Variants in LRRC4C observed in about 807,000 individuals in gnomAD.
LRRC4C encodes the protein leucine rich repeat containing 4C.
LRRC4C carries 5 observed loss-of-function variants against 33.6 expected under a neutral mutation model. That is an observed-to-expected ratio of 0.15 (90% CI 0.08 to 0.31). The LOEUF (loss-of-function observed/expected upper bound fraction) is 0.31, where lower values mean the gene tolerates loss of function less well. Among genes scored for constraint, LRRC4C ranks in the 10% least tolerant of loss-of-function variants. The pLI is 1.00. For synonymous variants in LRRC4C, 329 were observed against 302.0 expected, an observed-to-expected ratio of 1.09 and a Z score of -0.93; for missense variants, 560 against 796.7, an observed-to-expected ratio of 0.70 and a Z score of 3.58.
chr11:41,052,317 T>C (rs1462217448), intron 1 of LRRC4C, among the ~76,000 whole-genome samples: 1 of 152,102 alleles, frequency 6.6e-6, no homozygotes. Flanking sequence ...AAATTCTGAT[T>C]GCATTCAAGT....
At chr11:40,695,877 C>A (rs1201352607) in intron 2 of LRRC4C, among the ~76,000 whole-genome samples, 2 of 151,946 alleles carry the variant, frequency 1.3e-5, no homozygotes, top group African/African-American at 4.8e-5. Flanking sequence ...TTAATTTAAT[C>A]ACATCTTCAT....
intron 1 of LRRC4C, among the ~76,000 whole-genome samples, chr11:41,330,585 C>G (rs1428587355): frequency 1.3e-5 from 2 of 151,942 alleles, no homozygotes; most frequent in African/African-American, 4.8e-5. Flanking sequence ...TTTCTTCTTC[C>G]TTTGAGACAG....
In LRRC4C at chr11:41,077,079, G is replaced by A. The variant is rs770476164; in HGVS notation, c.-495-143356C>T. Among the ~76,000 whole-genome samples the A allele has an allele frequency of 3.3e-5, 5 of 152,216 alleles. 1 individual carries two copies. The highest frequency in any genetic ancestry group is 4.1e-4 in the South Asian group (2 of 4,832). On this transcript the variant is annotated intron_variant, in intron 1 of 6. Transcript: ENST00000528697. ...TGTTATGCAAGGGGTGGGCTCACAT[G>A]CCCTTGTGCAGCTCTGCCCCTGTCA...
chr11:40,515,791 A>C (rs1955536570), intron 3 of LRRC4C, among the ~76,000 whole-genome samples: 1 of 152,112 alleles, frequency 6.6e-6, no homozygotes, highest in Non-Finnish European at 1.5e-5. Context: ...GTTTGAGGTG[A>C]ACCAGTTAGT....
intron 1 of LRRC4C, among the ~76,000 whole-genome samples, chr11:41,216,189 T>C (rs1368601136): frequency 6.6e-6 from 1 of 152,134 alleles, no homozygotes; most frequent in African/African-American, 2.4e-5. Context: ...ACAGGCTCAT[T>C]TACCCATCAC....
intron 2 of LRRC4C, among the ~76,000 whole-genome samples, chr11:40,776,966 C>G (rs1436121815): frequency 6.6e-6 from 1 of 152,014 alleles, no homozygotes; most frequent in African/African-American, 2.4e-5. Flanking sequence ...TGATATCTGC[C>G]TTAATTGAAT....
chr11:41,070,035 A>C (rs2135417268), intron 1 of LRRC4C, among the ~76,000 whole-genome samples: 1 of 152,336 alleles, frequency 6.6e-6, no homozygotes, highest in African/African-American at 2.4e-5. Context: ...AGGCTATAGT[A>C]ACCAAAACAG....
intron 1 of LRRC4C, among the ~76,000 whole-genome samples, chr11:41,231,691 C>T (rs1947804448): frequency 6.6e-6 from 1 of 151,740 alleles, no homozygotes; most frequent in South Asian, 2.1e-4. Context: ...GTGCAGCACA[C>T]CAACATGGCA....
At chr11:40,705,158 T>G (rs917619156) in intron 2 of LRRC4C, among the ~76,000 whole-genome samples, 5 of 152,146 alleles carry the variant, frequency 3.3e-5, no homozygotes, top group Non-Finnish European at 7.3e-5. Flanking sequence ...GGTCTCAAAT[T>G]AACTATTCAG....
chr11:40,734,966 G>T (rs998463597), intron 2 of LRRC4C, among the ~76,000 whole-genome samples: 2 of 151,960 alleles, frequency 1.3e-5, no homozygotes, highest in African/African-American at 2.4e-5. Context: ...ACAAAAAAAA[G>T]GAGAGAAAAA....
chr11:40,256,592 A>C (rs555236632), intron 4 of LRRC4C, among the ~76,000 whole-genome samples: 6 of 152,318 alleles, frequency 3.9e-5, no homozygotes, highest in African/African-American at 1.4e-4. Flanking sequence ...ATAAATGAAC[A>C]AATAAAGAAA....
At chr11:40,336,116 A>G (rs1406042843) in intron 3 of LRRC4C, among the ~76,000 whole-genome samples, 4 of 152,232 alleles carry the variant, frequency 2.6e-5, no homozygotes, top group African/African-American at 9.6e-5. Flanking sequence ...ACACTGTCCT[A>G]GATGATGGCG....
rs1242706467 is a variant in LRRC4C at position 40,336,832 on chromosome 11, T to C, written c.-269-17111A>G. Among the ~76,000 whole-genome samples the C allele has an allele frequency of 3.3e-5, 5 of 151,060 alleles. No individual in the cohort carries two copies. In the East Asian group the frequency reaches 5.9e-4, roughly 18 times the overall value. Reference sequence around the variant, plus strand: ...TCTACTGAAAATACAAAAAAATTAGTCGGGAGTGGCGGGGGGCGCCTGTAG... The same window carrying C: ...TCTACTGAAAATACAAAAAAATTAGCCGGGAGTGGCGGGGGGCGCCTGTAG... On this transcript the variant is annotated intron_variant, in intron 3 of 6. Transcript: ENST00000528697.
At chr11:40,218,853 G>A (rs568730673) in intron 5 of LRRC4C, among the ~76,000 whole-genome samples, 1 of 151,668 alleles carries the variant, frequency 6.6e-6, no homozygotes, top group South Asian at 2.1e-4. Flanking sequence ...CACTCACTCT[G>A]TTGCATCCAC....
chr11:40,290,388 G>C (rs1344008975), intron 4 of LRRC4C, among the ~76,000 whole-genome samples: 5 of 152,208 alleles, frequency 3.3e-5, no homozygotes, highest in African/African-American at 1.2e-4. Context: ...TATTTTCATA[G>C]GTTGGTAAAT....
At position 40,973,064 on chromosome 11, in the gene LRRC4C, T is replaced by C. The variant is rs191305691; in HGVS notation, c.-495-39341A>G. On this transcript the variant is annotated intron_variant, in intron 1 of 6. Transcript: ENST00000528697. The stretch of plus-strand genomic sequence containing the variant: ...TCCAGTCATGTGAGACATTCCTGCT[T>C]TCCTTTCACCTTCCACTATGATTGT... 1.9e-3 allele frequency among the ~76,000 whole-genome samples: 291 copies of C among 152,244 alleles called. 1 individual carries two copies. The highest frequency in any genetic ancestry group is 3.3e-3 in the Admixed American group (51 of 15,288).
chr11:40,987,900 T>G (rs1853189930), intron 1 of LRRC4C, among the ~76,000 whole-genome samples: 1 of 151,942 alleles, frequency 6.6e-6, no homozygotes. Context: ...TTGAATTTTC[T>G]CAGTGAGCAA....
At chr11:40,757,693 A>T (rs1157849301) in intron 2 of LRRC4C, among the ~76,000 whole-genome samples, 1 of 151,532 alleles carries the variant, frequency 6.6e-6, no homozygotes, top group African/African-American at 2.4e-5. Context: ...GTTGCTTACA[A>T]TGACTAGGGC....
At position 40,675,238 on chromosome 11, in the gene LRRC4C, G is replaced by T. The variant is rs1177060043; in HGVS notation, c.-406-26960C>A. 2.0e-5 allele frequency among the ~76,000 whole-genome samples: 3 copies of T among 152,074 alleles called. No homozygotes were observed. The East Asian group carries it at 5.8e-4, about 29-fold the overall frequency. On this transcript the variant is annotated intron_variant, in intron 2 of 6. Coordinates refer to ENST00000528697, the MANE Select transcript of LRRC4C (RefSeq NM_001258419.2). ...AAAAGCCAAGTTGCAATCAGAAAGT[G>T]TATCTACTTAAGCATTTCAGGAAAA...
Sources: allele counts gnomAD v4.1 joint callset (sites outside exome capture counted in the v4.1 genomes callset), GRCh38; gene constraint gnomAD v4.1.1; transcripts MANE v1.5; gene names NCBI Gene and HGNC (gene_info 2026-07-23, HGNC 2026-07-21).